ANGPT1: variants seen among roughly 807,000 people sequenced by gnomAD.
The protein encoded by ANGPT1 is angiopoietin-1.
In ANGPT1, 17 loss-of-function variants were observed where a neutral mutation model predicts 62.2. The observed-to-expected ratio is 0.27, with a 90% CI of 0.19 to 0.41. The LOEUF (loss-of-function observed/expected upper bound fraction) is 0.41, where lower values mean the gene tolerates loss of function less well. Among genes scored for constraint, ANGPT1 ranks in the 10% least tolerant of loss-of-function variants. The probability of loss-of-function intolerance (pLI) is 1.00; values close to 1 mark genes in which losing one functional copy is unlikely to be tolerated. For missense variants in ANGPT1, 478 were observed against 594.9 expected (o/e 0.80, Z 2.04); for synonymous variants, 199 against 198.9 (o/e 1.00, Z 0.00).
chr8:107,370,408 G>GAAAGA (rs1554587008), intron 1 of ANGPT1, among the ~76,000 whole-genome samples: 2 of 62,398 alleles, frequency 3.2e-5, no homozygotes, highest in African/African-American at 8.7e-5. Flanking sequence ...AAGAAAGAAA[G>GAAAGA]AGTCAGGGTC....
At chr8:107,448,045 T>A (rs573369274) in intron 1 of ANGPT1, among the ~76,000 whole-genome samples, 1 of 152,220 alleles carries the variant, frequency 6.6e-6, no homozygotes, top group Non-Finnish European at 1.5e-5. Flanking sequence ...ACTTGCTGTT[T>A]GTGTGAGTAC....
chr8:107,391,009 TA>T (rs1385146753), intron 1 of ANGPT1, among the ~76,000 whole-genome samples: 1 of 152,220 alleles, frequency 6.6e-6, no homozygotes, highest in African/African-American at 2.4e-5. Flanking sequence ...CAATGTGTAA[TA>T]TTTGCTATCA....
At chr8:107,446,867 T>A (rs913899382) in intron 1 of ANGPT1, among the ~76,000 whole-genome samples, 1 of 152,186 alleles carries the variant, frequency 6.6e-6, no homozygotes, top group African/African-American at 2.4e-5. Flanking sequence ...TATACTTGAC[T>A]TCTCACTCAG....
intron 1 of ANGPT1, among the ~76,000 whole-genome samples, chr8:107,476,214 A>G (rs1231636899): frequency 6.6e-6 from 1 of 152,238 alleles, no homozygotes; most frequent in Non-Finnish European, 1.5e-5. Flanking sequence ...GACTGGATTA[A>G]GAAAATGTGG....
intron 1 of ANGPT1, among the ~76,000 whole-genome samples, chr8:107,400,304 C>T (rs142471232): frequency 3.9e-5 from 6 of 152,168 alleles, no homozygotes; most frequent in Non-Finnish European, 7.4e-5. Context: ...TTCTGGACAA[C>T]GTTCCATAAC....
Position 107,294,910 on chromosome 8 carries a change from G to A in ANGPT1, c.937-873C>T, listed in dbSNP as rs1814374625. On this transcript the variant is annotated intron_variant, in intron 5 of 8. Transcript: ENST00000517746. The stretch of plus-strand genomic sequence containing the variant: ...CTTGATTATTCAACGGGGACTATGG[G>A]AAACACTATTTCCTCAACAACTGAA... The A allele has an allele frequency of 2.0e-5, 3 of 152,102 alleles. No individual in the cohort carries two copies. In the South Asian group the frequency reaches 6.2e-4, roughly 32 times the overall value. 9.4% of individuals were successfully genotyped at this position (152,102 alleles called of 1,614,324 possible).
chr8:107,429,082 T>C (rs894551923), intron 1 of ANGPT1, among the ~76,000 whole-genome samples: 1 of 152,202 alleles, frequency 6.6e-6, no homozygotes, highest in African/African-American at 2.4e-5. Flanking sequence ...CGACAATCAA[T>C]AGTTATATTT....
intron 3 of ANGPT1, among the ~76,000 whole-genome samples, chr8:107,331,935 G>C (rs1329795000): frequency 6.6e-6 from 1 of 152,128 alleles, no homozygotes; most frequent in Non-Finnish European, 1.5e-5. Flanking sequence ...AGACAGAAGG[G>C]CTCCTTCTGG....
At chr8:107,309,948 C>A (rs920268023) in intron 4 of ANGPT1, among the ~76,000 whole-genome samples, 3 of 152,040 alleles carry the variant, frequency 2.0e-5, no homozygotes, top group Non-Finnish European at 4.4e-5. Context: ...TTATTTAAAA[C>A]AACTACTTCT....
At chr8:107,263,180 C>T (rs1178940049) in intron 8 of ANGPT1, among the ~76,000 whole-genome samples, 1 of 151,540 alleles carries the variant, frequency 6.6e-6, no homozygotes, top group Non-Finnish European at 1.5e-5. Context: ...ATGGTGAAAC[C>T]CCGTCTTTAC....
intron 1 of ANGPT1, among the ~76,000 whole-genome samples, chr8:107,372,491 AG>A (rs1198062501): frequency 6.6e-6 from 1 of 152,172 alleles, no homozygotes; most frequent in Non-Finnish European, 1.5e-5. Flanking sequence ...TTCTAATAAA[AG>A]GCAGAGATTG....
intron 2 of ANGPT1, among the ~76,000 whole-genome samples, chr8:107,337,519 T>C (rs547632024): frequency 6.6e-6 from 1 of 152,350 alleles, no homozygotes; most frequent in Admixed American, 6.5e-5. Flanking sequence ...AATGCCCTGT[T>C]CCTGACTCTT....
At chr8:107,343,142 T>A (rs1367019414) in intron 2 of ANGPT1, among the ~76,000 whole-genome samples, 1 of 152,078 alleles carries the variant, frequency 6.6e-6, no homozygotes, top group Non-Finnish European at 1.5e-5. Flanking sequence ...TGGCTTGCCT[T>A]ATATTTCTAA....
At chr8:107,323,164 C>T (rs999422262) in intron 3 of ANGPT1, among the ~76,000 whole-genome samples, 1 of 152,128 alleles carries the variant, frequency 6.6e-6, no homozygotes, top group Non-Finnish European at 1.5e-5. Context: ...GTATATTGCA[C>T]ATTAAAAATG....
intron 1 of ANGPT1, among the ~76,000 whole-genome samples, chr8:107,384,775 T>C (rs1816702196): frequency 6.6e-6 from 1 of 152,074 alleles, no homozygotes; most frequent in African/African-American, 2.4e-5. Context: ...GTTAAATCCT[T>C]AATCTTGAGT....
chr8:107,480,553 T>A (rs758684746), intron 1 of ANGPT1, among the ~76,000 whole-genome samples: 1 of 152,322 alleles, frequency 6.6e-6, no homozygotes, highest in East Asian at 1.9e-4. Flanking sequence ...CAGCAGACTA[T>A]CCACACACAT....
chr8:107,353,753 G>T (rs1323386546), intron 1 of ANGPT1, among the ~76,000 whole-genome samples: 3 of 152,146 alleles, frequency 2.0e-5, no homozygotes, highest in Admixed American at 1.3e-4. Flanking sequence ...ACTAAGCCTG[G>T]TGCCAAATGC....
At chr8:107,451,832 A>C (rs1291006407) in intron 1 of ANGPT1, among the ~76,000 whole-genome samples, 1 of 151,816 alleles carries the variant, frequency 6.6e-6, no homozygotes, top group African/African-American at 2.4e-5. Context: ...GTTTATGTTC[A>C]TTGTGCTTAC....
At chr8:107,471,136 G>T (rs553256574) in intron 1 of ANGPT1, among the ~76,000 whole-genome samples, 1 of 152,068 alleles carries the variant, frequency 6.6e-6, no homozygotes, top group African/African-American at 2.4e-5. Context: ...CAAAGACCTG[G>T]AACCAACCCA....
Sources: allele counts gnomAD v4.1 joint callset (sites outside exome capture counted in the v4.1 genomes callset), GRCh38; gene constraint gnomAD v4.1.1; transcripts MANE v1.5; gene names NCBI Gene and HGNC (gene_info 2026-07-23, HGNC 2026-07-21).